The following TTLL7 variants were observed in gnomAD, a reference collection of about 807,000 sequenced individuals.
The protein encoded by TTLL7 is tubulin tyrosine ligase like 7.
In TTLL7, 53 loss-of-function variants were observed where a neutral mutation model predicts 120.2. That is an observed-to-expected ratio of 0.44 (90% confidence interval 0.35 to 0.55). The LOEUF is 0.55. TTLL7 is among the 20% of genes least tolerant of loss of function. TTLL7 has a pLI of 0.00. For synonymous variants in TTLL7, 353 were observed against 351.7 expected (o/e 1.00, Z -0.04); for missense variants, 803 against 1,054.7 (o/e 0.76, Z 3.31).
intron 13 of TTLL7, among the ~76,000 whole-genome samples, chr1:83,918,640 G>A (rs928307464): frequency 3.3e-5 from 5 of 152,096 alleles, no homozygotes; most frequent in African/African-American, 1.2e-4. Context: ...AACTCAAGGA[G>A]TTCTGCTTCT....
At chr1:83,929,048 C>T (rs1049290200) in intron 10 of TTLL7, 88 bp downstream of exon 10, 11 of 573,200 alleles carry the variant, frequency 1.9e-5, no homozygotes, top group Middle Eastern at 4.0e-4. Context: ...AATAAATATA[C>T]TATTCTGAAA....
At chr1:83,899,837 G>C (rs116783320) in intron 18 of TTLL7, among the ~76,000 whole-genome samples, 2 of 151,798 alleles carry the variant, frequency 1.3e-5, no homozygotes, top group African/African-American at 4.8e-5. Flanking sequence ...TCCACATAAC[G>C]GTGTATGATT....
At position 83,866,651 on chromosome 1, in the gene TTLL7, A is replaced by G. The variant is rs1160841884; in HGVS notation, c.*3311T>C. On this transcript the variant is annotated 3_prime_UTR_variant, in exon 21 of 21. Transcript: ENST00000260505. ...TCTTACCGACAACCAAGGACATTCA[A>G]CTATGTTCTAGGCAGAGTTACCATT... The G allele has an allele frequency of 6.6e-6, 1 of 151,940 alleles. No homozygotes were observed. Among genetic ancestry groups the G allele is most frequent in the Non-Finnish European group, 1.5e-5 (1 of 67,836 alleles). 9.4% of individuals were successfully genotyped at this position (151,940 alleles called of 1,614,324 possible). A position where few individuals can be genotyped will look rare whatever the true frequency, so the allele number is the denominator to read the frequency against.
intron 1 of TTLL7, among the ~76,000 whole-genome samples, chr1:83,977,873 G>A (rs1305859975): frequency 6.6e-6 from 1 of 152,058 alleles, no homozygotes; most frequent in Admixed American, 6.5e-5. Context: ...ATAGAACAAT[G>A]TTTTCCTTAT....
intron 19 of TTLL7, 102 bp from the exon 20 acceptor site, chr1:83,883,238 G>C: frequency 3.5e-6 from 3 of 864,084 alleles, no homozygotes; most frequent in Non-Finnish European, 5.2e-6. Flanking sequence ...AAATAGAAAT[G>C]GTCTCATACA....
chr1:83,898,132 A>G (rs1222822476), intron 18 of TTLL7, among the ~76,000 whole-genome samples: 2 of 152,032 alleles, frequency 1.3e-5, no homozygotes, highest in Non-Finnish European at 2.9e-5. Context: ...CTAGCTTTAT[A>G]AGACAATAGC....
chr1:83,872,215 A>G lies in TTLL7; in HGVS notation c.2544-2133T>C, dbSNP rs541134606. Among the ~76,000 whole-genome samples the G allele has an allele frequency of 1.6e-4, 24 of 152,342 alleles. No individual in the cohort carries two copies. In the East Asian group the frequency reaches 4.4e-3, roughly 28 times the overall value. On this transcript the variant is annotated intron_variant, in intron 20 of 20. Transcript: ENST00000260505. ...CCTATTACCTAATATCACAAACTATAAATAATTACTCAAATCATTAAGTTA... is the reference window on the plus strand; with the variant it reads ...CCTATTACCTAATATCACAAACTATGAATAATTACTCAAATCATTAAGTTA...
At chr1:83,908,427 T>C (rs1657395121) in intron 15 of TTLL7, among the ~76,000 whole-genome samples, 1 of 151,946 alleles carries the variant, frequency 6.6e-6, no homozygotes, top group Admixed American at 6.6e-5. Context: ...GAACAGAGAG[T>C]ATTTTAAGTC....
At chr1:83,892,706 A>G (rs1415785083) in intron 18 of TTLL7, among the ~76,000 whole-genome samples, 2 of 148,636 alleles carry the variant, frequency 1.3e-5, no homozygotes, top group African/African-American at 5.0e-5. Context: ...ATATATATGA[A>G]CATATGAACA....
chr1:83,966,231 C>A (rs1650451478), intron 1 of TTLL7, among the ~76,000 whole-genome samples: 1 of 152,106 alleles, frequency 6.6e-6, no homozygotes. Context: ...CTCACACCAT[C>A]TTTTGGCTCA....
chr1:83,970,568 C>A (rs956941596), intron 1 of TTLL7, among the ~76,000 whole-genome samples: 5 of 152,100 alleles, frequency 3.3e-5, no homozygotes, highest in Admixed American at 2.0e-4. Flanking sequence ...TTTGAGATAT[C>A]AACAGCATGT....
At chr1:83,977,853 T>C (rs937780452) in intron 1 of TTLL7, among the ~76,000 whole-genome samples, 2 of 152,212 alleles carry the variant, frequency 1.3e-5, no homozygotes, top group East Asian at 1.9e-4. Flanking sequence ...AATGTAGGTA[T>C]GGTTTTAGAA....
chr1:83,973,531 G>A (rs968954779), intron 1 of TTLL7, among the ~76,000 whole-genome samples: 3 of 151,946 alleles, frequency 2.0e-5, no homozygotes, highest in East Asian at 1.9e-4. Context: ...CTTCTCCTTC[G>A]ATATTGTGTT....
At chr1:83,892,418 A>G (rs1179366449) in intron 18 of TTLL7, among the ~76,000 whole-genome samples, 2 of 103,802 alleles carry the variant, frequency 1.9e-5, no homozygotes, top group African/African-American at 7.5e-5. Flanking sequence ...ATATATGAAC[A>G]TATATATGAA....
At chr1:83,960,763 G>A (rs998004728) in intron 1 of TTLL7, among the ~76,000 whole-genome samples, 2 of 152,044 alleles carry the variant, frequency 1.3e-5, no homozygotes, top group African/African-American at 4.8e-5. Flanking sequence ...GCCAAGAAAG[G>A]ACAATAGGTT....
intron 1 of TTLL7, among the ~76,000 whole-genome samples, chr1:83,958,926 C>G (rs1438723061): frequency 6.6e-6 from 1 of 152,132 alleles, no homozygotes; most frequent in African/African-American, 2.4e-5. Context: ...ACAGACCACA[C>G]TTTGAGTAGC....
At chr1:83,964,477 A>G (rs890276601) in intron 1 of TTLL7, among the ~76,000 whole-genome samples, 1 of 152,066 alleles carries the variant, frequency 6.6e-6, no homozygotes, top group African/African-American at 2.4e-5. Context: ...GAAATGTATC[A>G]CCAATCTGTT....
chr1:83,949,753 G>T, intron 4 of TTLL7, 112 bp downstream of exon 4: 2 of 1,188,656 alleles, frequency 1.7e-6, no homozygotes, highest in Non-Finnish European at 1.2e-6. Context: ...CTATTCAGGT[G>T]AGTAAGAGCT....
chr1:83,883,238 G>T, intron 19 of TTLL7, 102 bp from the exon 20 acceptor site: 1 of 864,084 alleles, frequency 1.2e-6, no homozygotes, highest in Non-Finnish European at 1.7e-6. Flanking sequence ...AAATAGAAAT[G>T]GTCTCATACA....
Sources: allele counts gnomAD v4.1 joint callset (sites outside exome capture counted in the v4.1 genomes callset), GRCh38; gene constraint gnomAD v4.1.1; transcripts MANE v1.5; gene names NCBI Gene and HGNC (gene_info 2026-07-23, HGNC 2026-07-21).